The following SNX25 variants were observed in gnomAD, a reference collection of about 807,000 sequenced individuals.
SNX25 encodes sorting nexin 25.
In SNX25, 62 loss-of-function variants were observed where a neutral mutation model predicts 113.7. That is an observed-to-expected ratio of 0.55 (90% CI 0.44 to 0.67). The LOEUF (loss-of-function observed/expected upper bound fraction) is 0.67, where lower values mean the gene tolerates loss of function less well. SNX25 is among the 30% of genes least tolerant of loss of function. The pLI is 0.00. For missense variants in SNX25, 1,014 were observed against 1,161.0 expected, an observed-to-expected ratio of 0.87 and a Z score of 1.84; for synonymous variants, 421 against 436.2, an observed-to-expected ratio of 0.97 and a Z score of 0.43.
chr4:185,213,018 T>C (rs1373224462), intron 1 of SNX25, among the ~76,000 whole-genome samples: 1 of 152,230 alleles, frequency 6.6e-6, no homozygotes, highest in African/African-American at 2.4e-5. Flanking sequence ...CTGTTAAACA[T>C]AGGCAACTAG....
intron 12 of SNX25, among the ~76,000 whole-genome samples, chr4:185,342,994 G>A (rs577535513): frequency 3.3e-5 from 5 of 152,214 alleles, no homozygotes; most frequent in South Asian, 4.1e-4. Context: ...AGGTTCAAGC[G>A]ATTCTCCTGC....
rs552352453 is a variant in SNX25 at position 185,274,540 on chromosome 4, G to A, written c.1091+7385G>A. ...GGAAGAATGGATATGGGATATGCAA[G>A]CAGCCATTTTTGCTGCCATAGCACA... is the stretch of plus-strand genomic sequence containing the variant. On this transcript the variant is annotated intron_variant, in intron 5 of 18. Transcript: ENST00000652585. 2.2e-4 allele frequency among the ~76,000 whole-genome samples: 33 copies of A among 152,324 alleles called. 1 individual carries two copies. The highest frequency in any genetic ancestry group is 5.2e-4 in the Admixed American group (8 of 15,296).
intron 16 of SNX25, among the ~76,000 whole-genome samples, chr4:185,358,351 G>A (rs576878865): frequency 9.1e-4 from 138 of 152,242 alleles, no homozygotes; most frequent in African/African-American, 3.2e-3. Flanking sequence ...CTTTCACTGA[G>A]TGTTCTAATG....
intron 16 of SNX25, among the ~76,000 whole-genome samples, chr4:185,360,914 G>A (rs972248078): frequency 3.1e-4 from 40 of 128,148 alleles, no homozygotes; most frequent in Admixed American, 1.1e-3. Context: ...GCGAGACTCC[G>A]TCTCAAAAAA....
intron 1 of SNX25, among the ~76,000 whole-genome samples, chr4:185,222,451 C>T (rs1429107325): frequency 6.6e-6 from 1 of 150,402 alleles, no homozygotes; most frequent in Admixed American, 6.6e-5. Context: ...CCCTCCCTCG[C>T]GGTAGGTATT....
At chr4:185,306,527 C>T (rs777853932) in intron 6 of SNX25, among the ~76,000 whole-genome samples, 11 of 152,142 alleles carry the variant, frequency 7.2e-5, no homozygotes, top group African/African-American at 2.4e-4. Context: ...TTTAGAAAGG[C>T]GTTTTAAGCT....
At chr4:185,217,380 A>G (rs1739039140) in intron 1 of SNX25, among the ~76,000 whole-genome samples, 1 of 152,226 alleles carries the variant, frequency 6.6e-6, no homozygotes, top group Admixed American at 6.5e-5. Context: ...TACAATTCTC[A>G]TTATTTATCA....
chr4:185,322,196 G>A (rs1290098589), intron 8 of SNX25, among the ~76,000 whole-genome samples: 2 of 152,214 alleles, frequency 1.3e-5, no homozygotes, highest in East Asian at 3.8e-4. Flanking sequence ...ACTTTGGGAG[G>A]CCAAGGTGGA....
chr4:185,323,896 C>A, intron 9 of SNX25, 96 bp downstream of exon 9: 1 of 1,313,406 alleles, frequency 7.6e-7, no homozygotes, highest in South Asian at 1.3e-5. Flanking sequence ...TGATGCACAT[C>A]TTCATCTTTT....
chr4:185,299,346 G>C (rs995146652), intron 6 of SNX25, among the ~76,000 whole-genome samples: 24 of 152,212 alleles, frequency 1.6e-4, no homozygotes, highest in African/African-American at 4.3e-4. Flanking sequence ...AAGGGCCTGG[G>C]AGTTATCCTA....
chr4:185,293,626 T>C (rs956539580), intron 6 of SNX25, among the ~76,000 whole-genome samples: 149 of 152,352 alleles, frequency 9.8e-4, no homozygotes, highest in African/African-American at 3.5e-3. Context: ...ATATTTTTTA[T>C]TGAATAATTC....
At chr4:185,240,406 C>A (rs1193120649) in intron 1 of SNX25, among the ~76,000 whole-genome samples, 10 of 148,268 alleles carry the variant, frequency 6.7e-5, no homozygotes, top group African/African-American at 2.0e-4. Flanking sequence ...CTGACCCCCC[C>A]ACCTCCCTCC....
chr4:185,241,293 C>T (rs1743931886), intron 1 of SNX25, among the ~76,000 whole-genome samples: 1 of 152,102 alleles, frequency 6.6e-6, no homozygotes, highest in South Asian at 2.1e-4. Flanking sequence ...CCGGCCAACA[C>T]AGCGAAACCC....
intron 3 of SNX25, 109 bp from the exon 4 acceptor site, chr4:185,264,329 C>A: frequency 9.8e-7 from 1 of 1,022,774 alleles, no homozygotes; most frequent in Non-Finnish European, 1.4e-6. Flanking sequence ...TAGGAGATGG[C>A]AGTTACTATA....
chr4:185,367,264 C>A, downstream of SNX25: 1 of 1,600,590 alleles, frequency 6.2e-7, no homozygotes, highest in South Asian at 1.1e-5. Context: ...CAAAAAGAGT[C>A]AGATATTTAG....
chr4:185,375,488 ATATATATATATAT>A, the SNX25 span: 2 of 8,606 alleles, frequency 2.3e-4, no homozygotes, highest in African/African-American at 4.4e-4. Context: ...AAAAAAAAAA[ATATATATATATAT>A]ATATATATAT....
intron 1 of SNX25, among the ~76,000 whole-genome samples, chr4:185,224,555 A>G (rs185195790): frequency 8.9e-6 from 1 of 112,578 alleles, no homozygotes; most frequent in East Asian, 3.1e-4. Context: ...ATACATATAT[A>G]TAAATATATA....
intron 6 of SNX25, among the ~76,000 whole-genome samples, chr4:185,298,022 T>G (rs1434767093): frequency 6.6e-6 from 1 of 152,128 alleles, no homozygotes; most frequent in Non-Finnish European, 1.5e-5. Context: ...TACATGTAGC[T>G]TAACTCTGTT....
At chr4:185,374,021 A>G (rs17884285), downstream of SNX25, 42,163 of 830,220 alleles carry the variant, frequency 0.051, 1,310 homozygotes, top group South Asian at 0.088. Context: ...CTTTACATTT[A>G]AAGGAACTAT....
Sources: allele counts gnomAD v4.1 joint callset (sites outside exome capture counted in the v4.1 genomes callset), GRCh38; gene constraint gnomAD v4.1.1; transcripts MANE v1.5; gene names NCBI Gene and HGNC (gene_info 2026-07-23, HGNC 2026-07-21).